ATP2C1: variants seen among roughly 807,000 people sequenced by gnomAD.
ATP2C1 encodes ATPase secretory pathway Ca2+ transporting 1, also known as calcium-transporting ATPase type 2C member 1.
ATP2C1 carries 31 observed loss-of-function variants against 120.5 expected under a neutral mutation model. The observed-to-expected ratio is 0.26, with a 90% CI of 0.19 to 0.35. The LOEUF is 0.35. Ranked by LOEUF, ATP2C1 falls within the 10% of genes least tolerant of loss-of-function variation. ATP2C1 has a pLI of 1.00. For missense variants in ATP2C1, 731 were observed against 1,107.5 expected (o/e 0.66, Z 4.83); for synonymous variants, 351 against 358.7 (o/e 0.98, Z 0.24).
chr3:131,003,490 A>T (rs1373638754), downstream of ATP2C1, among the ~76,000 whole-genome samples: 1 of 152,226 alleles, frequency 6.6e-6, no homozygotes. Flanking sequence ...ATGGCTAAAC[A>T]TCAGGGAAGA....
At chr3:130,909,862 T>A (rs186187488) in intron 2 of ATP2C1, among the ~76,000 whole-genome samples, 19 of 151,654 alleles carry the variant, frequency 1.3e-4, no homozygotes, top group Admixed American at 9.2e-4. Context: ...ATATATATAT[T>A]TATATTTATA....
At chr3:130,961,796 T>C (rs533668627) in intron 12 of ATP2C1, among the ~76,000 whole-genome samples, 1 of 152,144 alleles carries the variant, frequency 6.6e-6, no homozygotes, top group East Asian at 1.9e-4. Context: ...GAGAAGACTT[T>C]TCACAATTAT....
At chr3:130,854,109 C>A (rs1470765436) in intron 1 of ATP2C1, 1 of 152,102 alleles carries the variant, frequency 6.6e-6, no homozygotes, top group Non-Finnish European at 1.5e-5. Flanking sequence ...TAGTGTTATT[C>A]CTGTGATACA....
At chr3:130,918,145 A>G in intron 2 of ATP2C1, 2 of 865,410 alleles carry the variant, frequency 2.3e-6, no homozygotes, top group Non-Finnish European at 3.9e-6. Flanking sequence ...ATTTTGCAGT[A>G]GTTTAGAAAG....
At chr3:130,993,044 A>C (rs2062427000) in intron 21 of ATP2C1, 43 bp downstream of exon 21, 8 of 1,529,468 alleles carry the variant, frequency 5.2e-6, no homozygotes, top group Non-Finnish European at 7.2e-6. Flanking sequence ...TGTATACAAA[A>C]TGCTGCTACT....
chr3:130,969,774 T>TA (rs1406986651), intron 17 of ATP2C1, among the ~76,000 whole-genome samples: 7 of 152,220 alleles, frequency 4.6e-5, no homozygotes, highest in Admixed American at 2.6e-4. Context: ...AGGAATGTCT[T>TA]ATCTTTAGAA....
intron 20 of ATP2C1, among the ~76,000 whole-genome samples, chr3:130,986,789 T>C (rs1178622484): frequency 6.6e-6 from 1 of 152,160 alleles, no homozygotes. Context: ...CCTCATCTTG[T>C]CTTTTTCCCT....
rs2059727347 is a variant in ATP2C1, at chr3:130,937,592, A to C, written c.360+129A>C. ...CAGAACAACTTATTCTTTGTTTTTC[A>C]AGTAATTTCAGATACAGACAACTCT... On this transcript the variant is annotated intron_variant, in intron 6 of 27. Transcript: ENST00000510168. 3.8e-6 allele frequency: 3 copies of C among 792,618 alleles called. No individual in the cohort carries two copies. In the East Asian group the frequency reaches 7.7e-5, roughly 20 times the overall value. The allele number at this position is 792,618 out of a possible 1,614,324, so 49.1% of individuals were successfully genotyped here.
At chr3:130,884,351 C>T (rs2068892490) in intron 1 of ATP2C1, among the ~76,000 whole-genome samples, 1 of 152,134 alleles carries the variant, frequency 6.6e-6, no homozygotes, top group African/African-American at 2.4e-5. Context: ...AGTTTTATTC[C>T]ATTGTGGTCA....
At chr3:130,892,291 G>A (rs2069199552), upstream of ATP2C1, among the ~76,000 whole-genome samples, 1 of 152,084 alleles carries the variant, frequency 6.6e-6, no homozygotes, top group Admixed American at 6.6e-5. Context: ...TCCTACCTTA[G>A]GTGCTTTTGT....
chr3:130,961,484 C>T (rs553556697), intron 12 of ATP2C1, among the ~76,000 whole-genome samples: 17 of 151,804 alleles, frequency 1.1e-4, no homozygotes, highest in Non-Finnish European at 1.5e-4. Flanking sequence ...TTTACAATTT[C>T]TTCACCCTAG....
chr3:130,996,189 G>T, intron 23 of ATP2C1, 78 bp downstream of exon 23: 1 of 1,032,432 alleles, frequency 9.7e-7, no homozygotes, highest in South Asian at 1.3e-5. Context: ...AGAATGCCTA[G>T]AAACTTCTCT....
chr3:130,907,733 T>C (rs1263657105), intron 2 of ATP2C1, among the ~76,000 whole-genome samples: 1 of 151,714 alleles, frequency 6.6e-6, no homozygotes, highest in Non-Finnish European at 1.5e-5. Context: ...TGCCTTTCTT[T>C]TTTTTTTTTT....
At chr3:130,883,465 C>CT (rs71620096) in intron 1 of ATP2C1, among the ~76,000 whole-genome samples, 60 of 83,182 alleles carry the variant, frequency 7.2e-4, no homozygotes, top group Non-Finnish European at 1.1e-3. Context: ...TCTTCTCCTT[C>CT]TTTTTTTTTT....
intron 21 of ATP2C1, among the ~76,000 whole-genome samples, 195 bp from the exon 22 acceptor site, chr3:130,993,735 AAT>A (rs1191506809): frequency 6.6e-6 from 1 of 152,196 alleles, no homozygotes; most frequent in African/African-American, 2.4e-5. Context: ...CACAGATGGG[AAT>A]ATTAGTAGCA....
At chr3:130,982,421 T>C (rs991015583) in intron 20 of ATP2C1, among the ~76,000 whole-genome samples, 3 of 152,244 alleles carry the variant, frequency 2.0e-5, no homozygotes, top group African/African-American at 7.2e-5. Context: ...CTTTATTATC[T>C]TGGGCTGCCT....
In ATP2C1 at chr3:130,999,652, C is replaced by T. The variant is rs1177625730; in HGVS notation, c.2622C>T (p.Ser874=). The stretch of plus-strand genomic sequence containing the variant: ...AGGTTTTTCAGACTGAGAGCCTAAG[C>T]ATACTGGGTAAAGAAAACGTTATCT... ...LQKVFQTESL[S]ILDLLFLLGL... Residue 874 remains serine, a synonymous_variant, in exon 27 of 28, where the codon AGC becomes AGT. Coordinates refer to ENST00000510168, the MANE Select transcript of ATP2C1 (RefSeq NM_001378687.1). The T allele has an allele frequency of 1.2e-6, 2 of 1,611,712 alleles. No homozygotes were observed. The highest frequency in any genetic ancestry group is 1.7e-6 in the Non-Finnish European group (2 of 1,178,108).
Position 130,959,356 on chromosome 3 carries a change from T to G in ATP2C1, c.899+15T>G. 3 of 1,566,280 alleles carry G rather than the reference T, an allele frequency of 1.9e-6. No homozygotes were observed. In the South Asian group the frequency reaches 3.3e-5, roughly 17 times the overall value. On this transcript the variant is annotated intron_variant, in intron 12 of 27. Coordinates refer to ENST00000510168, the MANE Select transcript of ATP2C1 (RefSeq NM_001378687.1). Reference sequence around the variant, plus strand: ...ATTAGTGTAAGGTAAGTCTCAATACTTTATAATTGGAGTCTCTTTTGCCTC... The same window carrying G: ...ATTAGTGTAAGGTAAGTCTCAATACGTTATAATTGGAGTCTCTTTTGCCTC...
intron 2 of ATP2C1, among the ~76,000 whole-genome samples, chr3:130,905,249 G>T (rs1158086014): frequency 6.6e-6 from 1 of 151,956 alleles, no homozygotes; most frequent in Non-Finnish European, 1.5e-5. Context: ...TAACATGTAT[G>T]AACACATATG....
Sources: gnomAD v4.1 joint callset for allele counts (sites outside exome capture counted in the v4.1 genomes callset) on GRCh38, gnomAD v4.1.1 for gene constraint, MANE v1.5 for transcripts, NCBI Gene and HGNC (gene_info 2026-07-23, HGNC 2026-07-21) for gene names.